Variants in NEURL1 observed in about 807,000 individuals in gnomAD.
The protein encoded by NEURL1 is neuralized E3 ubiquitin protein ligase 1, also known as E3 ubiquitin-protein ligase NEURL1.
NEURL1 carries 26 observed loss-of-function variants against 41.2 expected under a neutral mutation model. The ratio of observed to expected loss-of-function variants is 0.63; its 90% confidence interval spans 0.46 to 0.87. The LOEUF is 0.87. NEURL1 is among the 40% of genes least tolerant of loss of function. The pLI, the probability that NEURL1 is intolerant of heterozygous loss-of-function variation, is 0.00. For missense variants in NEURL1, 761 were observed against 871.1 expected, an observed-to-expected ratio of 0.87 and a Z score of 1.59; for synonymous variants, 400 against 402.3, an observed-to-expected ratio of 0.99 and a Z score of 0.07.
chr10:103,559,950 G>GCACGCACACA (rs2035252693), intron 1 of NEURL1, among the ~76,000 whole-genome samples: 1 of 150,558 alleles, frequency 6.6e-6, no homozygotes, highest in East Asian at 2.0e-4. Context: ...GCACACACAC[G>GCACGCACACA]TACATGCACG....
intron 1 of NEURL1, among the ~76,000 whole-genome samples, chr10:103,523,676 A>G (rs1474107562): frequency 6.6e-6 from 1 of 152,072 alleles, no homozygotes; most frequent in South Asian, 2.1e-4. Flanking sequence ...TCACTTCCAC[A>G]TATGAATGAG....
chr10:103,551,305 T>TTTG (rs1467445644), intron 1 of NEURL1, among the ~76,000 whole-genome samples: 1 of 147,478 alleles, frequency 6.8e-6, no homozygotes, highest in African/African-American at 2.6e-5. Context: ...GAATTTTTTT[T>TTTG]TTTTTTTTTT....
intron 1 of NEURL1, among the ~76,000 whole-genome samples, chr10:103,547,919 AC>A (rs751944494): frequency 6.6e-6 from 1 of 151,702 alleles, no homozygotes; most frequent in Non-Finnish European, 1.5e-5. Context: ...CTCCTGCGAC[AC>A]CCTGGGTCTC....
intron 1 of NEURL1, among the ~76,000 whole-genome samples, chr10:103,504,941 C>T (rs1299959726): frequency 1.3e-5 from 2 of 151,998 alleles, no homozygotes; most frequent in Non-Finnish European, 2.9e-5. Flanking sequence ...GCTACTAGCA[C>T]GTTAGGCGAG....
At chr10:103,506,382 T>C (rs934584768) in intron 1 of NEURL1, among the ~76,000 whole-genome samples, 1 of 152,150 alleles carries the variant, frequency 6.6e-6, no homozygotes. Context: ...ATTCATTTCA[T>C]GTATTGGTGC....
At chr10:103,510,938 C>T (rs1376629392) in intron 1 of NEURL1, among the ~76,000 whole-genome samples, 5 of 152,298 alleles carry the variant, frequency 3.3e-5, no homozygotes, top group Non-Finnish European at 5.9e-5. Flanking sequence ...GTTTCCAGGC[C>T]ACCCCCCGCC....
intron 1 of NEURL1, among the ~76,000 whole-genome samples, chr10:103,540,011 G>A (rs2034785141): frequency 1.3e-5 from 2 of 152,200 alleles, no homozygotes; most frequent in Admixed American, 1.3e-4. Context: ...AAGAAGCCCA[G>A]GTCCCTGATA....
intron 1 of NEURL1, among the ~76,000 whole-genome samples, chr10:103,562,083 A>C (rs547851000): frequency 3.3e-5 from 5 of 152,208 alleles, no homozygotes; most frequent in Admixed American, 2.6e-4. Flanking sequence ...ATAGGGATAC[A>C]GTAGTAAAAA....
chr10:103,578,925 A>C (rs2035725886), intron 3 of NEURL1, among the ~76,000 whole-genome samples: 1 of 152,226 alleles, frequency 6.6e-6, no homozygotes, highest in Non-Finnish European at 1.5e-5. Flanking sequence ...CCTCCCAAAC[A>C]GGGGCCAGCA....
At position 103,588,031 on chromosome 10, in the gene NEURL1, G is replaced by A. The variant is rs1480190437; in HGVS notation, c.1340-1483G>A. Among the ~76,000 whole-genome samples, 4 of 152,276 alleles carry A rather than the reference G, an allele frequency of 2.6e-5. No individual in the cohort carries two copies. The East Asian group carries it at 5.8e-4, about 22-fold the overall frequency. On this transcript the variant is annotated intron_variant, in intron 4 of 5. Coordinates refer to ENST00000369780, the MANE Select transcript of NEURL1 (RefSeq NM_004210.5). The stretch of plus-strand genomic sequence containing the variant: ...TTCTAAGAAAGCTCATGGGCTGGGC[G>A]CGGCGGCTCACACCTGTAATCTCAG...
Position 103,558,345 on chromosome 10 carries a change from C to A in NEURL1, c.86-12527C>A. Reference sequence around the variant, plus strand: ...TTGTTTGTGGACGTGTTTTGGCTCTCTGAGCTTCTGATGTCAACAGATGTG... The same window carrying A: ...TTGTTTGTGGACGTGTTTTGGCTCTATGAGCTTCTGATGTCAACAGATGTG... On this transcript the variant is annotated intron_variant, in intron 1 of 5. Transcript: ENST00000369780. The surrounding 1 kb of genome is among the most constrained non-coding windows in gnomAD (Gnocchi z 4.2). 1 of 653,988 alleles carries A rather than the reference C, an allele frequency of 1.5e-6. No individual in the cohort carries two copies. Among genetic ancestry groups the A allele is most frequent in the Non-Finnish European group, 1.9e-6 (1 of 527,308 alleles). 40.5% of individuals were successfully genotyped at this position (653,988 alleles called of 1,614,324 possible).
Position 103,584,836 on chromosome 10 carries a change from A to G in NEURL1, c.950A>G (p.Glu317Gly). The G allele has an allele frequency of 2.1e-6, 3 of 1,409,910 alleles. No homozygotes were observed. The highest frequency in any genetic ancestry group is 2.7e-6 in the Non-Finnish European group (3 of 1,091,210). 87.3% of individuals were successfully genotyped at this position (1,409,910 alleles called of 1,614,324 possible). Residue 317 changes from glutamate (E) to glycine (G), a missense_variant, in exon 4 of 6, where the codon GAG becomes GGG. Transcript: ENST00000369780. ...GACGAGCAGACGGTGGCGCGCGTGG[A>G]GCACGGGCGCGACGAGCGCGCGCTC... ...ILDEQTVARV[E>G]HGRDERALVF...
intron 1 of NEURL1, among the ~76,000 whole-genome samples, chr10:103,506,175 G>A (rs2033942519): frequency 6.6e-6 from 1 of 152,182 alleles, no homozygotes; most frequent in Non-Finnish European, 1.5e-5. Flanking sequence ...CATGCTCTTG[G>A]CTTTCACCTT....
chr10:103,536,479 G>A (rs1463355118), intron 1 of NEURL1, among the ~76,000 whole-genome samples: 1 of 152,192 alleles, frequency 6.6e-6, no homozygotes, highest in African/African-American at 2.4e-5. Context: ...AGGAGGCAGA[G>A]GTTGCAGTGA....
intron 1 of NEURL1, among the ~76,000 whole-genome samples, chr10:103,521,091 A>T (rs2034338553): frequency 6.6e-6 from 1 of 152,064 alleles, no homozygotes; most frequent in Non-Finnish European, 1.5e-5. Flanking sequence ...CTCCTTTTTA[A>T]GTTGGAGGCT....
In NEURL1 at chr10:103,556,842, G is replaced by C. The variant is rs1361106692; in HGVS notation, c.86-14030G>C. 6.6e-6 allele frequency among the ~76,000 whole-genome samples: 1 copy of C among 152,168 alleles called. No homozygotes were observed. The highest frequency in any genetic ancestry group is 1.5e-5 in the Non-Finnish European group (1 of 68,022). On this transcript the variant is annotated intron_variant, in intron 1 of 5. Coordinates refer to ENST00000369780, the MANE Select transcript of NEURL1 (RefSeq NM_004210.5). This position sits in a 1 kb window ranked among gnomAD's most constrained non-coding sequence, Gnocchi z 4.4. ...GGGGTGGGGGCTCTTCTCAGGGCTT[G>C]CTGGCCCCGGCGGGGCCTGTTGGCA...
intron 1 of NEURL1, among the ~76,000 whole-genome samples, chr10:103,562,383 AAAGC>A (rs2035315266): frequency 6.6e-6 from 1 of 152,200 alleles, no homozygotes; most frequent in African/African-American, 2.4e-5. Flanking sequence ...ACTCCGTCTC[AAAGC>A]AAACAAACAA....
chr10:103,508,323 T>C lies in NEURL1; in HGVS notation c.85+13851T>C, dbSNP rs1380397093. 1.3e-5 allele frequency among the ~76,000 whole-genome samples: 2 copies of C among 152,230 alleles called. No homozygotes were observed. The highest frequency in any genetic ancestry group is 4.8e-5 in the African/African-American group (2 of 41,450). Reference sequence around the variant, plus strand: ...CTGTGAAAGTCCGATCTTCCAAATCTCACTCAGATTCTTCCTGGGTCTCTT... The same window carrying C: ...CTGTGAAAGTCCGATCTTCCAAATCCCACTCAGATTCTTCCTGGGTCTCTT... On this transcript the variant is annotated intron_variant, in intron 1 of 5. Coordinates refer to ENST00000369780, the MANE Select transcript of NEURL1 (RefSeq NM_004210.5). This position sits in a 1 kb window ranked among gnomAD's most constrained non-coding sequence, Gnocchi z 4.3.
chr10:103,498,037 C>T (rs7071035), intron 1 of NEURL1, among the ~76,000 whole-genome samples: 1,591 of 151,960 alleles, frequency 0.01, 31 homozygotes, highest in African/African-American at 0.036. Flanking sequence ...GGGGCTTGAG[C>T]GTATATCTAT....
Sources: gnomAD v4.1 joint callset for allele counts (sites outside exome capture counted in the v4.1 genomes callset) on GRCh38, gnomAD v4.1.1 for gene constraint, Gnocchi (gnomAD v3.1) non-coding constraint, MANE v1.5 for transcripts, NCBI Gene and HGNC (gene_info 2026-07-23, HGNC 2026-07-21) for gene names.